RORA: variants seen among roughly 807,000 people sequenced by gnomAD.
RORA encodes the protein nuclear receptor ROR-alpha.
Under a neutral mutation model 69.5 loss-of-function variants are expected in RORA, and 7 were observed. The ratio of observed to expected loss-of-function variants is 0.10; its 90% confidence interval spans 0.06 to 0.19. The LOEUF (loss-of-function observed/expected upper bound fraction) is 0.19. Among genes scored for constraint, RORA ranks in the 10% least tolerant of loss-of-function variants. The pLI is 1.00. For missense variants in RORA, 457 were observed against 663.0 expected (o/e 0.69, Z 3.41); for synonymous variants, 261 against 240.8 (o/e 1.08, Z -0.78).
chr15:60,511,738 C>T lies in RORA; in HGVS notation c.425-117G>A. ...ACAATCTCAATCCAAAACTGCATGA[C>T]CACAAAATAAGGACATATTCAGAGG... On this transcript the variant is annotated intron_variant, in intron 4 of 10. Coordinates refer to ENST00000335670, the MANE Select transcript of RORA (RefSeq NM_134261.3). The surrounding 1 kb of genome is among the most constrained non-coding windows in gnomAD (Gnocchi z 6.4). 2 of 1,097,740 alleles carry T rather than the reference C, an allele frequency of 1.8e-6. No individual in the cohort carries two copies. Among genetic ancestry groups the T allele is most frequent in the Non-Finnish European group, 2.5e-6 (2 of 785,024 alleles). The allele number at this position is 1,097,740 out of a possible 1,614,324, so 68.0% of individuals were successfully genotyped here.
At chr15:60,867,673 T>C (rs77282013) in intron 1 of RORA, among the ~76,000 whole-genome samples, 2,937 of 152,240 alleles carry the variant, frequency 0.019, 93 homozygotes, top group East Asian at 0.16. Flanking sequence ...ATAATTAATA[T>C]GTACTCTATA....
chr15:61,087,092 G>A (rs919852160), intron 1 of RORA, among the ~76,000 whole-genome samples: 1 of 152,128 alleles, frequency 6.6e-6, no homozygotes, highest in Admixed American at 6.5e-5. Flanking sequence ...GCTTGCTTGA[G>A]CCCAGGATTT....
At chr15:60,503,487 GAA>G (rs774249723) in intron 7 of RORA, 46 bp downstream of exon 7, 1 of 1,597,092 alleles carries the variant, frequency 6.3e-7, no homozygotes, top group Non-Finnish European at 8.6e-7. Context: ...ATAAGCGGGT[GAA>G]AGCAGGTTAG....
chr15:61,189,262 T>G (rs781446049), intron 1 of RORA, among the ~76,000 whole-genome samples: 2 of 152,216 alleles, frequency 1.3e-5, no homozygotes, highest in Non-Finnish European at 2.9e-5. Context: ...GAACATGAGA[T>G]GATCTTTGCC....
intron 1 of RORA, among the ~76,000 whole-genome samples, chr15:60,806,149 A>G (rs1432701984): frequency 6.6e-6 from 1 of 152,196 alleles, no homozygotes. Context: ...ATCTGTCAGG[A>G]GGAGAATAAC....
chr15:60,549,958 T>G (rs1179127643), intron 2 of RORA, among the ~76,000 whole-genome samples: 1 of 152,170 alleles, frequency 6.6e-6, no homozygotes, highest in African/African-American at 2.4e-5. Flanking sequence ...TGGCTGAAGA[T>G]GTAATTGTCT....
chr15:60,907,876 T>C (rs539131345), intron 1 of RORA, among the ~76,000 whole-genome samples: 3 of 152,266 alleles, frequency 2.0e-5, no homozygotes, highest in African/African-American at 7.2e-5. Flanking sequence ...CAAACACTAA[T>C]TTTTCAGCAG....
chr15:60,651,661 G>A (rs1302648899), intron 2 of RORA, among the ~76,000 whole-genome samples: 1 of 152,064 alleles, frequency 6.6e-6, no homozygotes, highest in Non-Finnish European at 1.5e-5. Context: ...CACTCCAGGG[G>A]GCTTCTGGGA....
At chr15:60,734,381 G>GA (rs112967161) in intron 1 of RORA, among the ~76,000 whole-genome samples, 3,180 of 152,198 alleles carry the variant, frequency 0.021, 123 homozygotes, top group African/African-American at 0.073. Flanking sequence ...GAGCTCCACT[G>GA]AAAAAACAGC....
chr15:60,996,236 A>C (rs997508785), intron 1 of RORA, among the ~76,000 whole-genome samples: 1 of 151,908 alleles, frequency 6.6e-6, no homozygotes, highest in Non-Finnish European at 1.5e-5. Flanking sequence ...ATGCCCAGCT[A>C]ATTTTTGTAT....
chr15:60,914,136 G>C (rs1175736910), intron 1 of RORA, among the ~76,000 whole-genome samples: 3 of 152,190 alleles, frequency 2.0e-5, no homozygotes, highest in African/African-American at 7.2e-5. Context: ...AATATTTCCT[G>C]CTTTGGCTGT....
At chr15:60,883,367 ATAAAT>A (rs1220629919) in intron 1 of RORA, among the ~76,000 whole-genome samples, 1 of 152,190 alleles carries the variant, frequency 6.6e-6, no homozygotes, top group Non-Finnish European at 1.5e-5. Flanking sequence ...ATATGGCTTA[ATAAAT>A]TATAGTTTGA....
At chr15:60,605,755 T>C (rs1023575180) in intron 2 of RORA, among the ~76,000 whole-genome samples, 1 of 152,202 alleles carries the variant, frequency 6.6e-6, no homozygotes, top group Non-Finnish European at 1.5e-5. Context: ...AATGATTATA[T>C]TATATGAAAC....
chr15:60,627,254 C>A (rs1405385409), intron 2 of RORA: 1 of 1,614,070 alleles, frequency 6.2e-7, no homozygotes, highest in African/African-American at 1.3e-5. Flanking sequence ...GCTCCTTCAC[C>A]TGCAGGTGTG....
intron 1 of RORA, among the ~76,000 whole-genome samples, chr15:60,857,239 T>G (rs975110182): frequency 6.6e-6 from 1 of 152,124 alleles, no homozygotes; most frequent in Non-Finnish European, 1.5e-5. Context: ...CAGAACATGT[T>G]AGGGAAAGCT....
intron 1 of RORA, among the ~76,000 whole-genome samples, chr15:61,044,890 T>C (rs1305758783): frequency 2.0e-5 from 3 of 152,202 alleles, no homozygotes; most frequent in South Asian, 2.1e-4. Context: ...CCCTGGGGTC[T>C]AAAACATTAC....
intron 1 of RORA, among the ~76,000 whole-genome samples, chr15:60,839,482 A>G (rs141410733): frequency 6.6e-6 from 1 of 152,230 alleles, no homozygotes; most frequent in Non-Finnish European, 1.5e-5. Flanking sequence ...GGAAGCTCAG[A>G]GTGATTAAAT....
At chr15:60,555,119 A>G (rs2067321483) in intron 2 of RORA, among the ~76,000 whole-genome samples, 1 of 152,186 alleles carries the variant, frequency 6.6e-6, no homozygotes, top group Non-Finnish European at 1.5e-5. Flanking sequence ...ATGCCACTGC[A>G]GTTCTTAGCT....
At chr15:61,001,996 C>G (rs1169450825) in intron 1 of RORA, among the ~76,000 whole-genome samples, 2 of 152,206 alleles carry the variant, frequency 1.3e-5, no homozygotes, top group African/African-American at 2.4e-5. Flanking sequence ...ACGGGGGCAG[C>G]CATGAACAGG....
Sources: gnomAD v4.1 joint callset for allele counts (sites outside exome capture counted in the v4.1 genomes callset) on GRCh38, gnomAD v4.1.1 for gene constraint, Gnocchi (gnomAD v3.1) non-coding constraint, MANE v1.5 for transcripts, NCBI Gene and HGNC (gene_info 2026-07-23, HGNC 2026-07-21) for gene names.